DIS3L2: variants seen among roughly 807,000 people sequenced by gnomAD.
The protein encoded by DIS3L2 is DIS3-like exonuclease 2.
Under a neutral mutation model 97.5 loss-of-function variants are expected in DIS3L2, and 34 were observed. The ratio of observed to expected loss-of-function variants is 0.35; its 90% CI spans 0.27 to 0.46. The LOEUF (loss-of-function observed/expected upper bound fraction) is 0.46, where lower values mean the gene tolerates loss of function less well. DIS3L2 is among the 20% of genes least tolerant of loss of function. The pLI is 1.00. For synonymous variants in DIS3L2, 435 were observed against 445.2 expected, an observed-to-expected ratio of 0.98 and a Z score of 0.29; for missense variants, 1,038 against 1,146.0, an observed-to-expected ratio of 0.91 and a Z score of 1.36.
chr2:232,215,865 C>T (rs2106224774), intron 10 of DIS3L2, among the ~76,000 whole-genome samples: 1 of 152,276 alleles, frequency 6.6e-6, no homozygotes, highest in South Asian at 2.1e-4. Flanking sequence ...CATGTGAGAG[C>T]CCTGGGGCTT....
downstream of DIS3L2, chr2:232,340,745 G>A: frequency 2.1e-6 from 1 of 470,978 alleles, no homozygotes; most frequent in South Asian, 1.5e-5. Flanking sequence ...CCCAACCTCA[G>A]AGATTCCTCA....
In DIS3L2 at chr2:232,037,579, G is replaced by A. The variant is rs1694985018; in HGVS notation, c.366+7499G>A. ...CACTGGTATACCAGGAGTCACTGGG[G>A]TACGAAAAAAAACTCCTGCAGCTAG... On this transcript the variant is annotated intron_variant, in intron 5 of 20. Transcript: ENST00000325385. This position sits in a 1 kb window ranked among gnomAD's most constrained non-coding sequence, Gnocchi z 4.6. Among the ~76,000 whole-genome samples, 1 of 152,042 alleles carries A rather than the reference G, an allele frequency of 6.6e-6. No individual in the cohort carries two copies. The highest frequency in any genetic ancestry group is 1.9e-4 in the East Asian group (1 of 5,192).
At chr2:232,331,143 G>A (rs1345957233) in intron 16 of DIS3L2, among the ~76,000 whole-genome samples, 1 of 152,190 alleles carries the variant, frequency 6.6e-6, no homozygotes, top group Non-Finnish European at 1.5e-5. Flanking sequence ...ATCCCCACAT[G>A]TGGAGTCCAG....
downstream of DIS3L2, among the ~76,000 whole-genome samples, chr2:232,342,144 TATATACACATATAC>T (rs887208394): frequency 2.6e-5 from 4 of 152,084 alleles, no homozygotes; most frequent in African/African-American, 7.2e-5. Context: ...CACATATACA[TATATACACATATAC>T]ATATACACAT....
intron 10 of DIS3L2, among the ~76,000 whole-genome samples, chr2:232,212,273 C>T (rs1692212982): frequency 6.6e-6 from 1 of 152,240 alleles, no homozygotes; most frequent in East Asian, 1.9e-4. Context: ...GCCAGGTGAC[C>T]GTGGACCTCA....
At chr2:231,974,048 AT>A (rs368581792) in intron 1 of DIS3L2, among the ~76,000 whole-genome samples, 164 of 151,176 alleles carry the variant, frequency 1.1e-3, no homozygotes, top group Non-Finnish European at 2.0e-3. Flanking sequence ...AGTTAAAAAA[AT>A]ATATATATAT....
intron 5 of DIS3L2, among the ~76,000 whole-genome samples, chr2:232,044,958 T>G (rs1351666767): frequency 6.6e-6 from 1 of 152,092 alleles, no homozygotes; most frequent in Non-Finnish European, 1.5e-5. Flanking sequence ...TTGCATGTAA[T>G]GGATGCTTTA....
intron 10 of DIS3L2, among the ~76,000 whole-genome samples, chr2:232,237,863 G>A (rs1007239504): frequency 1.3e-5 from 2 of 152,186 alleles, no homozygotes; most frequent in African/African-American, 4.8e-5. Context: ...TATGAGCCAA[G>A]CCAACATCTA....
intron 8 of DIS3L2, among the ~76,000 whole-genome samples, chr2:232,154,844 C>G (rs1321901748): frequency 1.0e-5 from 1 of 95,478 alleles, no homozygotes; most frequent in Non-Finnish European, 2.1e-5. Flanking sequence ...GCTGTGCTAG[C>G]AATCAGCGAG....
At chr2:232,238,295 T>G (rs909948822) in intron 10 of DIS3L2, among the ~76,000 whole-genome samples, 1 of 152,194 alleles carries the variant, frequency 6.6e-6, no homozygotes, top group African/African-American at 2.4e-5. Flanking sequence ...GGGAAAGTGG[T>G]TAATCTTGTT....
chr2:231,999,107 C>T (rs1022803593), intron 1 of DIS3L2, among the ~76,000 whole-genome samples: 8 of 152,178 alleles, frequency 5.3e-5, no homozygotes, highest in African/African-American at 1.9e-4. Flanking sequence ...TAACTCTGCC[C>T]TTGCAGCATG....
chr2:232,258,622 G>T (rs1008526545), intron 12 of DIS3L2, among the ~76,000 whole-genome samples: 2 of 147,030 alleles, frequency 1.4e-5, no homozygotes, highest in Non-Finnish European at 3.0e-5. Flanking sequence ...AAAAAAAAAG[G>T]AAAGAGGAAA....
chr2:232,241,742 T>A (rs1693105846), intron 11 of DIS3L2, among the ~76,000 whole-genome samples: 1 of 152,230 alleles, frequency 6.6e-6, no homozygotes, highest in African/African-American at 2.4e-5. Flanking sequence ...ATTTGCTCAG[T>A]TAATGCCTCT....
chr2:232,096,961 A>T (rs558214382), intron 6 of DIS3L2, among the ~76,000 whole-genome samples: 2 of 152,206 alleles, frequency 1.3e-5, no homozygotes, highest in South Asian at 4.1e-4. Flanking sequence ...GTTTTCCCAG[A>T]TGGTGTTGAT....
intron 12 of DIS3L2, among the ~76,000 whole-genome samples, chr2:232,251,450 A>G (rs955758700): frequency 6.6e-6 from 1 of 152,238 alleles, no homozygotes; most frequent in African/African-American, 2.4e-5. Context: ...GACAGAAAAG[A>G]CAAAAAATTA....
At chr2:232,323,835 G>A (rs1222776550) in intron 14 of DIS3L2, among the ~76,000 whole-genome samples, 1 of 152,068 alleles carries the variant, frequency 6.6e-6, no homozygotes, top group African/African-American at 2.4e-5. Context: ...TCAAGCAGCT[G>A]CACTTTCTCC....
At chr2:232,252,102 G>T (rs936203977) in intron 12 of DIS3L2, among the ~76,000 whole-genome samples, 1 of 152,176 alleles carries the variant, frequency 6.6e-6, no homozygotes, top group African/African-American at 2.4e-5. Flanking sequence ...TGTCCTTCAG[G>T]TCTGTCTTAA....
intron 3 of DIS3L2, among the ~76,000 whole-genome samples, chr2:232,021,428 G>A (rs1055340396): frequency 4.6e-5 from 7 of 152,000 alleles, no homozygotes; most frequent in African/African-American, 1.4e-4. Context: ...GATTGCCATC[G>A]GAAAGTGCGA....
chr2:232,210,306 G>GT lies in DIS3L2; in HGVS notation c.1125-17dup, dbSNP rs781608487. On this transcript the variant is annotated intron_variant, in intron 9 of 20. Transcript: ENST00000325385. ...GCTATTATTTGTGGCATTGCTAATT[G>GT]TTTCTTCACTCTTTCCTAGAAAAGA... 1.1e-5 allele frequency: 17 copies of GT among 1,605,948 alleles called. No individual in the cohort carries two copies. Among genetic ancestry groups the GT allele is most frequent in the African/African-American group, 1.3e-5 (1 of 74,762 alleles).
Sources: allele counts gnomAD v4.1 joint callset (sites outside exome capture counted in the v4.1 genomes callset), GRCh38; gene constraint gnomAD v4.1.1; non-coding constraint Gnocchi (gnomAD v3.1); transcripts MANE v1.5; gene names NCBI Gene and HGNC (gene_info 2026-07-23, HGNC 2026-07-21).